The following KRT6C variants were observed in gnomAD, a reference collection of about 807,000 sequenced individuals.
KRT6C encodes the protein keratin 6C, also known as keratin, type II cytoskeletal 6C.
In KRT6C, 46 loss-of-function variants were observed where a neutral mutation model predicts 49.4. The observed-to-expected ratio is 0.93, with a 90% CI of 0.74 to 1.19. KRT6C has a LOEUF of 1.19. Among genes scored for constraint, KRT6C ranks in the 50% most tolerant of loss-of-function variants. The pLI is 0.00. For synonymous variants in KRT6C, 236 were observed against 297.1 expected, an observed-to-expected ratio of 0.79 and a Z score of 2.12; for missense variants, 552 against 737.5, an observed-to-expected ratio of 0.75 and a Z score of 2.91.
rs1198759034 is a variant in KRT6C, at chr12:52,469,743, G to A, written c.1351C>T (p.Leu451=). Residue 451 remains leucine (L), a synonymous_variant, in exon 7 of 9, where the codon CTG becomes TTG. Transcript: ENST00000252250. ...TCCAGGGCCAGCTTGACATTCATCA[G>A]CTCCTGGTACTCCTTCAGCAGCCGG... ...LARLLKEYQE[L]MNVKLALDVE... is the part of the protein sequence containing the mutation. 10 of 1,613,980 alleles carry A rather than the reference G, an allele frequency of 6.2e-6. No homozygotes were observed. The highest frequency in any genetic ancestry group is 8.5e-6 in the Non-Finnish European group (10 of 1,180,012).
rs993048586 is a variant in KRT6C at position 52,470,112 on chromosome 12, C to T, written c.1204-222G>A. ...AGCACCCGCATGAGAATGTGCGTTG[C>T]ATCTTATGGGAGACACTACAATGGA... is the stretch of plus-strand genomic sequence containing the variant. On this transcript the variant is annotated intron_variant, in intron 6 of 8. Coordinates refer to ENST00000252250, the MANE Select transcript of KRT6C (RefSeq NM_173086.5). The T allele has an allele frequency of 5.7e-5, 37 of 647,644 alleles. No homozygotes were observed. The Admixed American group carries it at 9.6e-4, about 17-fold the overall frequency. The allele number at this position is 647,644 out of a possible 1,614,324, so 40.1% of individuals were successfully genotyped here.
intron 6 of KRT6C, 28 bp from the exon 7 acceptor site, chr12:52,469,918 T>A (rs757702821): frequency 6.2e-7 from 1 of 1,613,316 alleles, no homozygotes; most frequent in South Asian, 1.1e-5. Flanking sequence ...GAGAAGGAAC[T>A]TCTTGTCTGC....
intron 7 of KRT6C, 36 bp from the exon 8 acceptor site, chr12:52,469,481 A>G: frequency 6.2e-7 from 1 of 1,613,964 alleles, no homozygotes; most frequent in Non-Finnish European, 8.5e-7. Context: ...GAGACCTCAG[A>G]GAGCTCTTCC....
Position 52,470,805 on chromosome 12 carries a change from G to C in KRT6C, c.1078-175C>G, listed in dbSNP as rs571130106. Among the ~76,000 whole-genome samples, 11 of 151,848 alleles carry C rather than the reference G, an allele frequency of 7.2e-5. No homozygotes were observed. In the South Asian group the frequency reaches 1.0e-3, roughly 14 times the overall value. On this transcript the variant is annotated intron_variant, in intron 5 of 8. Coordinates refer to ENST00000252250, the MANE Select transcript of KRT6C (RefSeq NM_173086.5). ...GATACTAAACTCTGGAGTCACAGAC[G>C]ATCCTCATTATGGCACCACTGCCTG...
In KRT6C at chr12:52,469,671, T is replaced by C; in HGVS notation, c.1423A>G (p.Arg475Gly). Residue 475 changes from arginine (R) to glycine (G), a missense_variant and splice_region_variant, in exon 7 of 9, where the codon AGG (arginine) becomes GGG (glycine). Arg to Gly is a moderately radical substitution (Grantham distance 125). Around this residue, in one of 3 missense-constraint regions of KRT6C, gnomAD observed 425 missense variants for 439.4 expected, o/e 0.97. Transcript: ENST00000252250. ...YRKLLEGEECRLNGEGVGQVN... is the reference protein window; with the variant it reads ...YRKLLEGEECGLNGEGVGQVN... ...GAGGAAGTCGCGTCAGTTACCTACCTGCACTCCTCGCCCTCCAGCAGCTTG... is the reference window on the plus strand; with the variant it reads ...GAGGAAGTCGCGTCAGTTACCTACCCGCACTCCTCGCCCTCCAGCAGCTTG... The C allele has an allele frequency of 1.2e-6, 2 of 1,614,188 alleles. No individual in the cohort carries two copies. The highest frequency in any genetic ancestry group is 1.1e-5 in the South Asian group (1 of 91,084).
intron 2 of KRT6C, 27 bp from the exon 3 acceptor site, chr12:52,471,759 T>C: frequency 6.2e-7 from 1 of 1,613,874 alleles, no homozygotes; most frequent in African/African-American, 1.3e-5. Context: ...ATAGGACACA[T>C]ATGAGCCAGT....
At chr12:52,469,912 A>C (rs114768948) in intron 6 of KRT6C, 22 bp from the exon 7 acceptor site, 1 of 1,613,858 alleles carries the variant, frequency 6.2e-7, no homozygotes, top group East Asian at 2.2e-5. Flanking sequence ...AAGGAAGAGA[A>C]GGAACTTCTT....
In KRT6C at chr12:52,469,290, T is replaced by C. The variant is rs391214; in HGVS notation, c.1467A>G (p.Val489=). The stretch of plus-strand genomic sequence containing the variant: ...CATAGCCACTGGAGATGGTGGACTG[T>C]ACTACAGCTGTGGTGGGGAGGGGAC... The part of the protein sequence containing the change: ...EGVGQVNVSV[V]QSTISSGYGG... Residue 489 remains valine, a synonymous_variant, in exon 9 of 9, where the codon GTA becomes GTG. Coordinates refer to ENST00000252250, the MANE Select transcript of KRT6C (RefSeq NM_173086.5). 4.3e-6 allele frequency: 7 copies of C among 1,613,962 alleles called. No homozygotes were observed. Among genetic ancestry groups the C allele is most frequent in the South Asian group, 2.2e-5 (2 of 91,070 alleles).
At chr12:52,470,342 G>T in intron 6 of KRT6C, 163 bp downstream of exon 6, 2 of 1,284,060 alleles carry the variant, frequency 1.6e-6, no homozygotes, top group South Asian at 1.3e-5. Flanking sequence ...CTCTTGGGTG[G>T]GATTCACTTC....
At chr12:52,470,760 T>G in intron 5 of KRT6C, 130 bp from the exon 6 acceptor site, 13 of 1,590,396 alleles carry the variant, frequency 8.2e-6, no homozygotes, top group African/African-American at 1.3e-5. Flanking sequence ...TGAGGAAAAG[T>G]TGATGTTATG....
At position 52,469,235 on chromosome 12, in the gene KRT6C, C is replaced by T; in HGVS notation, c.1522G>A (p.Gly508Ser). The part of the protein sequence containing the change: ...GGASGVGSGL[G>S]LGGGSSYSYG... ...GAGTAGCTGCTTCCTCCACCCAGGC[C>T]TAAGCCACTGCCGACACCGCTGGCA... Residue 508 changes from glycine (G) to serine (S), a missense_variant, in exon 9 of 9, where the codon GGC becomes AGC. Physicochemically the swap from Gly to Ser is moderately conservative, Grantham distance 56 (BLOSUM62 0). Transcript: ENST00000252250. The T allele has an allele frequency of 6.2e-7, 1 of 1,613,970 alleles. No individual in the cohort carries two copies. Among genetic ancestry groups the T allele is most frequent in the Non-Finnish European group, 8.5e-7 (1 of 1,179,860 alleles).
rs1937939368 is a variant in KRT6C at position 52,473,803 on chromosome 12, G to A, written c.-66C>T. 6.2e-7 allele frequency: 1 copy of A among 1,611,332 alleles called. No homozygotes were observed. ...TGGAGGCGAGAGGCAGGAGAAGCAG[G>A]ACAAGGAATCGGGCTCCAGCAGTAG... On this transcript the variant is annotated 5_prime_UTR_variant, in exon 1 of 9. Transcript: ENST00000252250.
rs1225372401 is a variant in KRT6C at position 52,469,182 on chromosome 12, A to G, written c.1575T>C (p.Gly525=). 7 of 1,613,924 alleles carry G rather than the reference A, an allele frequency of 4.3e-6. No homozygotes were observed. The highest frequency in any genetic ancestry group is 1.3e-5 in the African/African-American group (1 of 75,012). The change falls in exon 9 of 9, where the codon GGT becomes GGC. Residue 525 remains glycine (G), a synonymous_variant. Coordinates refer to ENST00000252250, the MANE Select transcript of KRT6C (RefSeq NM_173086.5). ...YSYGSGLGIG[G]GFSSSSGRAI... ...CTCTGCCACTGCTGGAACTGAAGCC[A>G]CCTCCAATGCCAAGACCACTGCCAT... is the stretch of plus-strand genomic sequence containing the variant.
rs1227552796 is a variant in KRT6C, at chr12:52,473,543, C to T, written c.195G>A (p.Gly65=). ...CTCCAATGGAGATCCTCTTGGAGCC[C>T]CCCAGGCCATACAGACTGCGGCTGC... ...GFGSRSLYGL[G]GSKRISIGGG... is the part of the protein sequence containing the mutation. The change falls in exon 1 of 9, where the codon GGG becomes GGA. Residue 65 remains glycine (G), a synonymous_variant. Coordinates refer to ENST00000252250, the MANE Select transcript of KRT6C (RefSeq NM_173086.5). 1 of 1,580,074 alleles carries T rather than the reference C, an allele frequency of 6.3e-7. No individual in the cohort carries two copies. The highest frequency in any genetic ancestry group is 8.6e-7 in the Non-Finnish European group (1 of 1,158,650).
In KRT6C at chr12:52,469,707, C is replaced by T. The variant is rs765950338; in HGVS notation, c.1387G>A (p.Ala463Thr). The change falls in exon 7 of 9, where the codon GCC becomes ACC. Residue 463 changes from alanine to threonine, a missense_variant. Around this residue, in one of 3 missense-constraint regions of KRT6C, gnomAD observed 425 missense variants for 439.4 expected, o/e 0.97. Transcript: ENST00000252250. ...CCCTCCAGCAGCTTGCGGTAGGTGGCGATCTCCACATCCAGGGCCAGCTTG... is the reference window on the plus strand; with the variant it reads ...CCCTCCAGCAGCTTGCGGTAGGTGGTGATCTCCACATCCAGGGCCAGCTTG... ...NVKLALDVEIATYRKLLEGEE... is the reference protein window; with the variant it reads ...NVKLALDVEITTYRKLLEGEE... 5.0e-6 allele frequency: 8 copies of T among 1,614,080 alleles called. No individual in the cohort carries two copies. The highest frequency in any genetic ancestry group is 2.2e-5 in the South Asian group (2 of 91,068).
intron 1 of KRT6C, among the ~76,000 whole-genome samples, chr12:52,472,872 A>G (rs547497765): frequency 1.4e-5 from 2 of 141,468 alleles, no homozygotes; most frequent in African/African-American, 4.9e-5. Flanking sequence ...TTACCAGCCC[A>G]TATACTCCTG....
chr12:52,471,604 G>A lies in KRT6C; in HGVS notation c.816+68C>T, dbSNP rs1435130193. ...AGTCCTCCTGCCAATTCTCTCCCAG[G>A]GGAGCGAGGACACAGAGCCACTTCT... On this transcript the variant is annotated intron_variant, in intron 3 of 8. Coordinates refer to ENST00000252250, the MANE Select transcript of KRT6C (RefSeq NM_173086.5). 6.3e-6 allele frequency: 9 copies of A among 1,421,030 alleles called. No homozygotes were observed. The East Asian group carries it at 1.9e-4, about 30-fold the overall frequency. The allele number at this position is 1,421,030 out of a possible 1,614,324, so 88.0% of individuals were successfully genotyped here. A position where few individuals can be genotyped will look rare whatever the true frequency, so the allele number is the denominator to read the frequency against.
In KRT6C at chr12:52,468,825, C is replaced by T. The variant is rs1937818368; in HGVS notation, c.*237G>A. The T allele has an allele frequency of 5.2e-6, 3 of 577,060 alleles. No homozygotes were observed. The highest frequency in any genetic ancestry group is 1.9e-5 in the African/African-American group (1 of 53,688). 35.7% of individuals were successfully genotyped at this position (577,060 alleles called of 1,614,324 possible). Reference sequence around the variant, plus strand: ...TTAATAATTTAGTAACAAAGTGAAGCTCCATTGGTGAATACATTATGATGT... The same window carrying T: ...TTAATAATTTAGTAACAAAGTGAAGTTCCATTGGTGAATACATTATGATGT... On this transcript the variant is annotated 3_prime_UTR_variant, in exon 9 of 9. Coordinates refer to ENST00000252250, the MANE Select transcript of KRT6C (RefSeq NM_173086.5).
At chr12:52,472,041 G>A (rs187930093) in intron 2 of KRT6C, 25 bp downstream of exon 2, 20,275 of 1,464,322 alleles carry the variant, frequency 0.014, 678 homozygotes, top group Non-Finnish European at 0.015. Flanking sequence ...CTTGAAGTGT[G>A]TGCTGCAGGA....
Sources: allele counts gnomAD v4.1 joint callset (sites outside exome capture counted in the v4.1 genomes callset), GRCh38; gene constraint gnomAD v4.1.1; regional missense constraint gnomAD v4.1.1; transcripts MANE v1.5; gene names NCBI Gene and HGNC (gene_info 2026-07-23, HGNC 2026-07-21).